The following DNAH5 variants were observed in gnomAD, a reference collection of about 807,000 sequenced individuals.
DNAH5 encodes dynein axonemal heavy chain 5, also known as axonemal beta dynein heavy chain 5.
In DNAH5, 372 loss-of-function variants were observed where a neutral mutation model predicts 518.2. The observed-to-expected ratio is 0.72, with a 90% confidence interval of 0.66 to 0.78. The LOEUF (loss-of-function observed/expected upper bound fraction) is 0.78. DNAH5 is among the 30% of genes least tolerant of loss of function. The pLI is 0.00. For missense variants in DNAH5, 5,523 were observed against 5,687.0 expected (o/e 0.97, Z 0.93); for synonymous variants, 2,039 against 2,025.9 (o/e 1.01, Z -0.17).
chr5:13,916,014 AT>A lies in DNAH5; in HGVS notation c.1197+333del, dbSNP rs562020315. On this transcript the variant is annotated intron_variant, in intron 9 of 78. Transcript: ENST00000265104. ...TATGAAACAGGAGATAGCCAGTTAA[AT>A]ATAGCTTTTCTTAATTAAAATTTAC... Among the ~76,000 whole-genome samples, 326 of 152,244 alleles carry A rather than the reference AT, an allele frequency of 2.1e-3. 1 individual carries two copies. The highest frequency in any genetic ancestry group is 3.8e-3 in the Admixed American group (58 of 15,278).
Position 13,874,721 on chromosome 5 carries a change from T to C in DNAH5, c.3396+1963A>G, listed in dbSNP as rs146524241. ...TTAGTGGAAACATAGTTTTACCATATTGGCTAGGCTGGTCTCAAACTCCCA... is the reference window on the plus strand; with the variant it reads ...TTAGTGGAAACATAGTTTTACCATACTGGCTAGGCTGGTCTCAAACTCCCA... On this transcript the variant is annotated intron_variant, in intron 22 of 78. Coordinates refer to ENST00000265104, the MANE Select transcript of DNAH5 (RefSeq NM_001369.3). Among the ~76,000 whole-genome samples, 662 of 152,292 alleles carry C rather than the reference T, an allele frequency of 4.3e-3. 6 individuals carry two copies. The highest frequency in any genetic ancestry group is 0.015 in the African/African-American group (619 of 41,562).
chr5:13,908,393 G>C (rs1027586173), intron 12 of DNAH5, among the ~76,000 whole-genome samples: 2 of 152,096 alleles, frequency 1.3e-5, no homozygotes, highest in East Asian at 3.9e-4. Context: ...TCAGACACCA[G>C]CAAATCTCTA....
chr5:13,703,947 C>G (rs1343017400), intron 76 of DNAH5, among the ~76,000 whole-genome samples: 2 of 152,172 alleles, frequency 1.3e-5, no homozygotes, highest in Non-Finnish European at 2.9e-5. Context: ...AAGTCTAGAC[C>G]TGGGGTGCCT....
chr5:13,986,329 C>T (rs1273239977), intron 1 of DNAH5, among the ~76,000 whole-genome samples: 1 of 152,194 alleles, frequency 6.6e-6, no homozygotes, highest in Non-Finnish European at 1.5e-5. Flanking sequence ...GTAACCTCCC[C>T]TCTACTGCCT....
rs190450522 is a variant in DNAH5 at position 13,735,876 on chromosome 5, C to T, written c.11512G>A (p.Glu3838Lys). ...FLITEMRLVNEMYQTSLRQFL... is the reference protein window; with the variant it reads ...FLITEMRLVNKMYQTSLRQFL... Reference sequence around the variant, plus strand: ...TGGCGAAGCGAAGTCTGATACATCTCATTAACCAAGCGCATCTCAGTAATG... The same window carrying T: ...TGGCGAAGCGAAGTCTGATACATCTTATTAACCAAGCGCATCTCAGTAATG... The change falls in exon 67 of 79, where the codon GAG (glutamate) becomes AAG (lysine). Residue 3838 changes from glutamate (E) to lysine (K), a missense_variant. Glu to Lys is a moderately conservative substitution (Grantham distance 56). Around this residue, in one of 3 missense-constraint regions of DNAH5, gnomAD observed 5,121 missense variants for 5,223.3 expected, o/e 0.98. Coordinates refer to ENST00000265104, the MANE Select transcript of DNAH5 (RefSeq NM_001369.3). 1.4e-5 allele frequency: 22 copies of T among 1,614,148 alleles called. No individual in the cohort carries two copies. The African/African-American group carries it at 2.9e-4, about 22-fold the overall frequency.
intron 35 of DNAH5, among the ~76,000 whole-genome samples, chr5:13,832,159 A>C (rs1763763897): frequency 6.6e-6 from 1 of 152,248 alleles, no homozygotes; most frequent in Admixed American, 6.5e-5. Flanking sequence ...AACTGAAAAA[A>C]AAAGATTAAA....
intron 35 of DNAH5, among the ~76,000 whole-genome samples, chr5:13,837,685 A>T (rs1764578933): frequency 6.8e-6 from 1 of 146,282 alleles, no homozygotes; most frequent in Admixed American, 6.8e-5. Context: ...CCTATTTGGG[A>T]ACTCCACTTT....
chr5:13,842,441 A>AAGAGAGAGAGAGAGAGAG lies in DNAH5; in HGVS notation c.5272-538_5272-537insCTCTCTCTCTCTCTCTCT, dbSNP rs1177610939. Among the ~76,000 whole-genome samples the AAGAGAGAGAGAGAGAGAG allele has an allele frequency of 1.1e-3, 113 of 102,150 alleles. 2 individuals are homozygous for AAGAGAGAGAGAGAGAGAG. The highest frequency in any genetic ancestry group is 4.6e-3 in the African/African-American group (108 of 23,284). The allele number at this position is 102,150 out of a possible 152,430, so 67.0% of individuals were successfully genotyped here. A position where few individuals can be genotyped will look rare whatever the true frequency, so the allele number is the denominator to read the frequency against. ...AGAAAAGAAAAGAAAGAAAGAAAGA[A>AAGAGAGAGAGAGAGAGAG]AGAAAGAAAGAAAGAAAGAAAGAAA... On this transcript the variant is annotated intron_variant, in intron 32 of 78. Transcript: ENST00000265104.
chr5:13,796,215 G>A (rs1437592801), intron 47 of DNAH5, among the ~76,000 whole-genome samples: 6 of 152,170 alleles, frequency 3.9e-5, no homozygotes, highest in Non-Finnish European at 8.8e-5. Flanking sequence ...TCAGGAAAGA[G>A]AAAGAAATAA....
chr5:13,983,176 G>A (rs1240928402), intron 1 of DNAH5, among the ~76,000 whole-genome samples: 1 of 152,174 alleles, frequency 6.6e-6, no homozygotes, highest in Non-Finnish European at 1.5e-5. Context: ...GGACACAAGT[G>A]CCCAGCTGCC....
chr5:13,865,554 T>C, intron 27 of DNAH5, 114 bp downstream of exon 27: 1 of 777,608 alleles, frequency 1.3e-6, no homozygotes, highest in Non-Finnish European at 2.4e-6. Flanking sequence ...ACAAGAACAA[T>C]GCAGCAAGAT....
Position 13,714,316 on chromosome 5 carries a change from C to T in DNAH5, c.13125+89G>A, listed in dbSNP as rs116679797. The stretch of plus-strand genomic sequence containing the variant: ...GAATGTTTTTTAATTTCAGGAAAAT[C>T]ATTTTTTGCCCTCCTTTCTTCTTCC... On this transcript the variant is annotated intron_variant, in intron 75 of 78. Transcript: ENST00000265104. The T allele has an allele frequency of 1.2e-3, 1,672 of 1,343,234 alleles. 16 individuals carry two copies. The African/African-American group carries it at 0.021, about 17-fold the overall frequency. The allele number at this position is 1,343,234 out of a possible 1,614,324, so 83.2% of individuals were successfully genotyped here. A position where few individuals can be genotyped will look rare whatever the true frequency, so the allele number is the denominator to read the frequency against.
In DNAH5 at chr5:13,917,171, C is replaced by T. The variant is rs1776734337; in HGVS notation, c.1061G>A (p.Cys354Tyr). The T allele has an allele frequency of 1.2e-6, 2 of 1,613,916 alleles. No individual in the cohort carries two copies. The highest frequency in any genetic ancestry group is 2.2e-5 in the East Asian group (1 of 44,846). ...ATCACTGCTGTACAAAGGGTCACAA[C>T]ATTTTTCAAGTGTATACAAGTATTT... ...NVKYLYTLEK[C>Y]CDPLYSSDPL... is the part of the protein sequence containing the mutation. The change falls in exon 8 of 79, where the codon TGT becomes TAT. Residue 354 changes from cysteine to tyrosine, a missense_variant. Physicochemically the swap from Cys to Tyr is radical, Grantham distance 194 (BLOSUM62 -2). Coordinates refer to ENST00000265104, the MANE Select transcript of DNAH5 (RefSeq NM_001369.3).
intron 76 of DNAH5, 141 bp from the exon 77 acceptor site, chr5:13,701,577 C>A: frequency 1.2e-6 from 1 of 801,174 alleles, no homozygotes; most frequent in South Asian, 1.6e-5. Context: ...ATGAATTTTC[C>A]CTGGATTCTG....
intron 50 of DNAH5, among the ~76,000 whole-genome samples, chr5:13,791,600 C>T (rs1282861365): frequency 6.6e-6 from 1 of 152,090 alleles, no homozygotes; most frequent in Non-Finnish European, 1.5e-5. Context: ...AAGATAATTA[C>T]TTTTTAAGTT....
At position 13,986,135 on chromosome 5, in the gene DNAH5, T is replaced by C. The variant is rs141539965; in HGVS notation, c.12+25513A>G. 1.9e-4 allele frequency among the ~76,000 whole-genome samples: 29 copies of C among 152,242 alleles called. 1 individual carries two copies. The East Asian group carries it at 5.4e-3, about 28-fold the overall frequency. ...TAAGTGCAAAAGCTGGACACAGTCT[T>C]AGGGTCTCCTGCCGGAGGCGGAGGG... On this transcript the variant is annotated intron_variant, in intron 1 of 78. Transcript: ENST00000681290.
At chr5:13,962,901 C>A (rs1361031310) in intron 1 of DNAH5, among the ~76,000 whole-genome samples, 1 of 152,054 alleles carries the variant, frequency 6.6e-6, no homozygotes, top group African/African-American at 2.4e-5. Context: ...CAAACTGTCC[C>A]GGCAGCTGCT....
At chr5:13,717,824 A>C (rs1406564296) in intron 72 of DNAH5, among the ~76,000 whole-genome samples, 2 of 152,080 alleles carry the variant, frequency 1.3e-5, no homozygotes, top group Admixed American at 6.6e-5. Flanking sequence ...CAGTTAAATA[A>C]ATTCTGCCAC....
chr5:13,761,744 C>T (rs1474502362), intron 60 of DNAH5, among the ~76,000 whole-genome samples: 2 of 152,230 alleles, frequency 1.3e-5, no homozygotes, highest in Admixed American at 6.5e-5. Flanking sequence ...TCACAATATC[C>T]ATGGTGTCAG....
Sources: gnomAD v4.1 joint callset for allele counts (sites outside exome capture counted in the v4.1 genomes callset) on GRCh38, gnomAD v4.1.1 for gene constraint, gnomAD v4.1.1 regional missense constraint, MANE v1.5 for transcripts, NCBI Gene and HGNC (gene_info 2026-07-23, HGNC 2026-07-21) for gene names.